Variants in HNRNPH3 observed in about 807,000 individuals in gnomAD.
HNRNPH3 encodes the protein heterogeneous nuclear ribonucleoprotein H3.
HNRNPH3 carries 7 observed loss-of-function variants against 47.0 expected under a neutral mutation model. The ratio of observed to expected loss-of-function variants is 0.15; its 90% CI spans 0.08 to 0.28. HNRNPH3 has a LOEUF of 0.28. Ranked by LOEUF, HNRNPH3 falls within the 10% of genes least tolerant of loss-of-function variation. The probability of loss-of-function intolerance (pLI) is 1.00; values close to 1 mark genes in which losing one functional copy is unlikely to be tolerated. For synonymous variants in HNRNPH3, 120 were observed against 143.2 expected (o/e 0.84, Z 1.16); for missense variants, 279 against 449.6 (o/e 0.62, Z 3.43).
chr10:68,333,796 A>C (rs991063358), intron 1 of HNRNPH3, among the ~76,000 whole-genome samples: 4 of 152,212 alleles, frequency 2.6e-5, no homozygotes, highest in Admixed American at 2.0e-4. Flanking sequence ...CAGCTCTAAA[A>C]ACAAAAACTT....
At chr10:68,339,024 T>C (rs1284258854) in intron 4 of HNRNPH3, 116 bp from the exon 5 acceptor site, 5 of 742,696 alleles carry the variant, frequency 6.7e-6, no homozygotes, top group Non-Finnish European at 1.1e-5. Context: ...AAGTTGGGAA[T>C]TGCAAACTTG....
intron 7 of HNRNPH3, 126 bp from the exon 8 acceptor site, chr10:68,341,459 T>C: frequency 2.0e-6 from 2 of 993,902 alleles, no homozygotes; most frequent in Non-Finnish European, 3.0e-6. Context: ...TATATATCGC[T>C]GTACTAGTAA....
Position 68,338,246 on chromosome 10 carries a change from CT to C in HNRNPH3, c.251+253del, listed in dbSNP as rs1253525350. The C allele has an allele frequency of 2.4e-5, 11 of 449,968 alleles. No individual in the cohort carries two copies. The South Asian group carries it at 5.2e-4, about 21-fold the overall frequency. 27.9% of individuals were successfully genotyped at this position (449,968 alleles called of 1,614,324 possible). On this transcript the variant is annotated intron_variant, in intron 3 of 9. Coordinates refer to ENST00000265866, the MANE Select transcript of HNRNPH3 (RefSeq NM_012207.3). Reference sequence around the variant, plus strand: ...ATGCTTTTGTATAATCACCTATTTCCTTTAAAACACCTATTATGTACTAAAA... The same window carrying C: ...ATGCTTTTGTATAATCACCTATTTCCTTAAAACACCTATTATGTACTAAAA...
intron 1 of HNRNPH3, chr10:68,333,056 G>A (rs1407095142): frequency 6.6e-6 from 1 of 152,130 alleles, no homozygotes; most frequent in African/African-American, 2.4e-5. Flanking sequence ...GAGGAATAAA[G>A]GACGCTTAGC....
chr10:68,339,681 C>CCT, intron 6 of HNRNPH3, 126 bp downstream of exon 6: 1 of 625,252 alleles, frequency 1.6e-6, no homozygotes, highest in South Asian at 2.0e-5. Flanking sequence ...AATAGATCTA[C>CCT]CTTTAATTCT....
intron 1 of HNRNPH3, among the ~76,000 whole-genome samples, chr10:68,334,912 G>A (rs567776748): frequency 6.6e-6 from 1 of 152,242 alleles, no homozygotes; most frequent in Non-Finnish European, 1.5e-5. Flanking sequence ...TGTGCCCTTA[G>A]AGTTTTTCTT....
At position 68,338,653 on chromosome 10, in the gene HNRNPH3, CAG is replaced by C; in HGVS notation, c.404_405del (p.Arg135AsnfsTer6). On this transcript the variant is annotated frameshift_variant, in exon 4 of 10. Transcript: ENST00000265866. ...GAGCTGGGCGTGGAAGTATGTATGACAGAATGCGACGAGGAGGTGATGGATAT... is the reference window on the plus strand; with the variant it reads ...GAGCTGGGCGTGGAAGTATGTATGACAATGCGACGAGGAGGTGATGGATAT... Reference protein sequence around the residue: ...YGAGRGSMYDRMRRGGDGYDG... With the variant: ...YGAGRGSMYDXMRRGGDGYDG... The C allele has an allele frequency of 6.2e-7, 1 of 1,604,334 alleles. No individual in the cohort carries two copies. The highest frequency in any genetic ancestry group is 8.5e-7 in the Non-Finnish European group (1 of 1,175,554).
At position 68,337,070 on chromosome 10, in the gene HNRNPH3, G is replaced by A; in HGVS notation, c.-23-129G>A. ...GAAAGGTGGTCTACAATTTTGTTGT[G>A]GCATTGTCACAGCAGTTGGCCCCAT... On this transcript the variant is annotated intron_variant, in intron 1 of 9. Transcript: ENST00000265866. The surrounding 1 kb of genome is among the most constrained non-coding windows in gnomAD (Gnocchi z 4.5). 2.0e-6 allele frequency: 1 copy of A among 511,222 alleles called. No individual in the cohort carries two copies. 31.7% of individuals were successfully genotyped at this position (511,222 alleles called of 1,614,324 possible).
chr10:68,337,567 C>T lies in HNRNPH3; in HGVS notation c.112+234C>T, dbSNP rs1215123331. ...ATTTGAGAATTGTGATGAAATGAAC[C>T]GTGAATTAGTATATGGAGCATATAT... On this transcript the variant is annotated intron_variant, in intron 2 of 9. Coordinates refer to ENST00000265866, the MANE Select transcript of HNRNPH3 (RefSeq NM_012207.3). This position sits in a 1 kb window ranked among gnomAD's most constrained non-coding sequence, Gnocchi z 4.5. 4 of 543,902 alleles carry T rather than the reference C, an allele frequency of 7.4e-6. No individual in the cohort carries two copies. The highest frequency in any genetic ancestry group is 2.9e-5 in the East Asian group (1 of 33,974). 33.7% of individuals were successfully genotyped at this position (543,902 alleles called of 1,614,324 possible).
In HNRNPH3 at chr10:68,343,160, A is replaced by ATGT. The variant is rs1367450920; in HGVS notation, c.*1108_*1110dup. ...AACTTGTTACTTGTTTTTGCCAGAA[A>ATGT]TGTTATTAATAAATGTCATTGTGGG... On this transcript the variant is annotated 3_prime_UTR_variant, in exon 10 of 10. Transcript: ENST00000265866. 2 of 152,224 alleles carry ATGT rather than the reference A, an allele frequency of 1.3e-5. No individual in the cohort carries two copies. The highest frequency in any genetic ancestry group is 4.8e-5 in the African/African-American group (2 of 41,464). 9.4% of individuals were successfully genotyped at this position (152,224 alleles called of 1,614,324 possible). A position where few individuals can be genotyped will look rare whatever the true frequency, so the allele number is the denominator to read the frequency against.
chr10:68,341,823 T>TG lies in HNRNPH3; in HGVS notation c.938dup (p.Thr314TyrfsTer3), dbSNP rs1440570198. On this transcript the variant is annotated frameshift_variant, in exon 9 of 10. Coordinates refer to ENST00000265866, the MANE Select transcript of HNRNPH3 (RefSeq NM_012207.3). LOFTEE classifies it high-confidence loss of function. The stretch of plus-strand genomic sequence containing the variant: ...TGGGGAACAATTACAGTGGAGGATA[T>TG]GGTACTCCTGATGGTTTGGGTGGTT... 1 of 1,610,626 alleles carries TG rather than the reference T, an allele frequency of 6.2e-7. No individual in the cohort carries two copies.
chr10:68,338,074 T>A, intron 3 of HNRNPH3, 78 bp downstream of exon 3: 1 of 1,058,404 alleles, frequency 9.4e-7, no homozygotes, highest in Non-Finnish European at 1.3e-6. Context: ...AATGGGGGGG[T>A]AGCCATAACA....
chr10:68,332,398 G>C (rs578110507), intron 1 of HNRNPH3, among the ~76,000 whole-genome samples, 182 bp downstream of exon 1: 5 of 152,320 alleles, frequency 3.3e-5, no homozygotes, highest in Admixed American at 2.0e-4. Context: ...AGGGCGGCTT[G>C]CCGATGGGAG....
At chr10:68,333,125 GTTT>G (rs34464174) in intron 1 of HNRNPH3, 1 of 146,418 alleles carries the variant, frequency 6.8e-6, no homozygotes, top group Non-Finnish European at 1.5e-5. Flanking sequence ...TTTCCAAAGG[GTTT>G]TTTTTTTTTC....
upstream of HNRNPH3, chr10:68,331,911 A>T (rs1381878843): frequency 6.6e-6 from 1 of 152,224 alleles, no homozygotes; most frequent in African/African-American, 2.4e-5. Context: ...CTCGCCCCCA[A>T]CAGCTGCGCA....
At chr10:68,334,103 C>T (rs1349152868) in intron 1 of HNRNPH3, among the ~76,000 whole-genome samples, 3 of 152,098 alleles carry the variant, frequency 2.0e-5, no homozygotes, top group Non-Finnish European at 4.4e-5. Flanking sequence ...TAGATAAAAA[C>T]CTGGTTCTAG....
intron 1 of HNRNPH3, among the ~76,000 whole-genome samples, chr10:68,335,641 T>C (rs2045508094): frequency 6.6e-6 from 1 of 152,182 alleles, no homozygotes; most frequent in African/African-American, 2.4e-5. Flanking sequence ...GGTTCACATA[T>C]TTTGTGTATG....
chr10:68,337,670 G>A lies in HNRNPH3; in HGVS notation c.113-188G>A, dbSNP rs1199384181. 1.8e-5 allele frequency: 10 copies of A among 542,638 alleles called. No homozygotes were observed. The highest frequency in any genetic ancestry group is 6.8e-5 in the Admixed American group (2 of 29,304). The allele number at this position is 542,638 out of a possible 1,614,324, so 33.6% of individuals were successfully genotyped here. A position where few individuals can be genotyped will look rare whatever the true frequency, so the allele number is the denominator to read the frequency against. On this transcript the variant is annotated intron_variant, in intron 2 of 9. Transcript: ENST00000265866. The surrounding 1 kb of genome is among the most constrained non-coding windows in gnomAD (Gnocchi z 4.5). The stretch of plus-strand genomic sequence containing the variant: ...ATTACACAGTGTTTTTACACTGGTC[G>A]CAAAAAATTTATTTAATCCAGTAAT...
At position 68,342,865 on chromosome 10, in the gene HNRNPH3, T is replaced by C. The variant is rs545345339; in HGVS notation, c.*811T>C. The C allele has an allele frequency of 3.5e-4, 54 of 152,552 alleles. No individual in the cohort carries two copies. The highest frequency in any genetic ancestry group is 1.2e-3 in the African/African-American group (51 of 41,580). 9.4% of individuals were successfully genotyped at this position (152,552 alleles called of 1,614,324 possible). A position where few individuals can be genotyped will look rare whatever the true frequency, so the allele number is the denominator to read the frequency against. ...TACTATGGAGTATAATTCTCACAAT[T>C]GTATTTTCAGTTTTCTGCCCAATAG... On this transcript the variant is annotated 3_prime_UTR_variant, in exon 10 of 10. Coordinates refer to ENST00000265866, the MANE Select transcript of HNRNPH3 (RefSeq NM_012207.3).
Sources: gnomAD v4.1 joint callset for allele counts (sites outside exome capture counted in the v4.1 genomes callset) on GRCh38, gnomAD v4.1.1 for gene constraint, Gnocchi (gnomAD v3.1) non-coding constraint, MANE v1.5 for transcripts, NCBI Gene and HGNC (gene_info 2026-07-23, HGNC 2026-07-21) for gene names.